GALNT7: variants seen among roughly 807,000 people sequenced by gnomAD.
GALNT7 encodes N-acetylgalactosaminyltransferase 7.
GALNT7 carries 60 observed loss-of-function variants against 82.1 expected under a neutral mutation model. That is an observed-to-expected ratio of 0.73 (90% CI 0.59 to 0.91). The LOEUF (loss-of-function observed/expected upper bound fraction) is 0.91, where lower values mean the gene tolerates loss of function less well. GALNT7 is among the 40% of genes least tolerant of loss of function. The pLI, the probability that GALNT7 is intolerant of heterozygous loss-of-function variation, is 0.00. For missense variants in GALNT7, 660 were observed against 804.2 expected (o/e 0.82, Z 2.17); for synonymous variants, 243 against 275.1 (o/e 0.88, Z 1.15).
At chr4:173,188,031 G>A (rs1732510338) in intron 1 of GALNT7, among the ~76,000 whole-genome samples, 1 of 152,132 alleles carries the variant, frequency 6.6e-6, no homozygotes, top group East Asian at 1.9e-4. Context: ...CAGACATTAT[G>A]CATTTATTTA....
chr4:173,237,281 CT>C (rs1449208830), intron 1 of GALNT7, among the ~76,000 whole-genome samples: 1 of 152,230 alleles, frequency 6.6e-6, no homozygotes, highest in African/African-American at 2.4e-5. Flanking sequence ...CATTGCAATA[CT>C]TTTTTTATGA....
chr4:173,305,234 C>A (rs960100411), intron 8 of GALNT7, among the ~76,000 whole-genome samples: 8 of 152,112 alleles, frequency 5.3e-5, no homozygotes, highest in African/African-American at 1.9e-4. Flanking sequence ...AGTTGTATGT[C>A]TTCTTTTGAG....
chr4:173,174,484 G>T (rs1731973261), intron 1 of GALNT7, among the ~76,000 whole-genome samples: 1 of 152,190 alleles, frequency 6.6e-6, no homozygotes, highest in Non-Finnish European at 1.5e-5. Flanking sequence ...TCCCACATAG[G>T]TCTGAACATT....
chr4:173,214,152 T>C (rs1328698531), intron 1 of GALNT7, among the ~76,000 whole-genome samples: 6 of 152,188 alleles, frequency 3.9e-5, no homozygotes, highest in Non-Finnish European at 7.4e-5. Context: ...TATTATTATT[T>C]TTTTGCAAGA....
chr4:173,200,731 A>T (rs1394213083), intron 1 of GALNT7, among the ~76,000 whole-genome samples: 1 of 152,222 alleles, frequency 6.6e-6, no homozygotes, highest in Non-Finnish European at 1.5e-5. Context: ...ATTTTGCAGG[A>T]TACAGCCATT....
intron 8 of GALNT7, among the ~76,000 whole-genome samples, chr4:173,305,286 T>TC (rs1737112424): frequency 6.6e-6 from 1 of 152,208 alleles, no homozygotes; most frequent in Non-Finnish European, 1.5e-5. Context: ...ATCAGGTTGT[T>TC]TCCTTACTAT....
At chr4:173,196,418 C>T (rs913503719) in intron 1 of GALNT7, among the ~76,000 whole-genome samples, 21 of 152,136 alleles carry the variant, frequency 1.4e-4, no homozygotes, top group African/African-American at 4.6e-4. Context: ...AGCCACCAAG[C>T]CCGGCCCAGA....
chr4:173,210,323 G>A (rs571608818), intron 1 of GALNT7, among the ~76,000 whole-genome samples: 4 of 152,244 alleles, frequency 2.6e-5, no homozygotes, highest in South Asian at 2.1e-4. Context: ...AATTTCATCC[G>A]TCGGAAATTT....
In GALNT7 at chr4:173,321,730, A is replaced by G; in HGVS notation, c.*13A>G. The G allele has an allele frequency of 6.3e-7, 1 of 1,590,246 alleles. No homozygotes were observed. The highest frequency in any genetic ancestry group is 8.6e-7 in the Non-Finnish European group (1 of 1,159,738). On this transcript the variant is annotated 3_prime_UTR_variant, in exon 12 of 12. Coordinates refer to ENST00000265000, the MANE Select transcript of GALNT7 (RefSeq NM_017423.3). ...CCATAGTGTTTAGAGAGAAAAAAATAAACCAATAACCTACCTACTGACAAG... is the reference window on the plus strand; with the variant it reads ...CCATAGTGTTTAGAGAGAAAAAAATGAACCAATAACCTACCTACTGACAAG...
intron 9 of GALNT7, among the ~76,000 whole-genome samples, chr4:173,315,239 G>A (rs559484896): frequency 1.3e-5 from 2 of 152,298 alleles, no homozygotes; most frequent in African/African-American, 4.8e-5. Flanking sequence ...TGTGTGAAGG[G>A]ATAAGGGCCA....
Position 173,289,528 on chromosome 4 carries a change from C to T in GALNT7, c.588-2580C>T, listed in dbSNP as rs534390355. On this transcript the variant is annotated intron_variant, in intron 2 of 11. Transcript: ENST00000265000. ...CTTCTCATCTCTGTAGCAGTTTGAG[C>T]AACTTCTCTTATCAGTAAAGCTGTC... 2.6e-5 allele frequency among the ~76,000 whole-genome samples: 4 copies of T among 152,346 alleles called. No homozygotes were observed. The South Asian group carries it at 8.3e-4, about 32-fold the overall frequency.
intron 8 of GALNT7, among the ~76,000 whole-genome samples, chr4:173,308,780 G>A (rs1483376751): frequency 6.6e-6 from 1 of 152,160 alleles, no homozygotes; most frequent in Admixed American, 6.5e-5. Context: ...GTGGGCACCT[G>A]CAATCCCAGC....
intron 1 of GALNT7, among the ~76,000 whole-genome samples, chr4:173,210,168 A>AAAAT (rs1295501282): frequency 2.6e-5 from 4 of 152,084 alleles, no homozygotes; most frequent in African/African-American, 9.7e-5. Flanking sequence ...ATACTTATTT[A>AAAAT]ATTATGCTTA....
chr4:173,318,452 A>G lies in GALNT7; in HGVS notation c.1729A>G (p.Asn577Asp). 1 of 1,604,584 alleles carries G rather than the reference A, an allele frequency of 6.2e-7. No homozygotes were observed. Among genetic ancestry groups the G allele is most frequent in the South Asian group, 1.1e-5 (1 of 89,350 alleles). ...ACAGCTTTTCAGAATCAATGAAGCAAATCAACTCATGCAGTATGACCAGTG... is the reference window on the plus strand; with the variant it reads ...ACAGCTTTTCAGAATCAATGAAGCAGATCAACTCATGCAGTATGACCAGTG... ...GNQLFRINEA[N>D]QLMQYDQCLT... Residue 577 changes from asparagine (N) to aspartate (D), a missense_variant, in exon 11 of 12, where the codon AAT becomes GAT. This residue lies in a region of GALNT7 where 527 missense variants were observed against 683.5 expected (regional missense o/e 0.77). Coordinates refer to ENST00000265000, the MANE Select transcript of GALNT7 (RefSeq NM_017423.3).
intron 2 of GALNT7, among the ~76,000 whole-genome samples, chr4:173,251,650 C>T (rs924063994): frequency 2.6e-4 from 40 of 152,202 alleles, no homozygotes; most frequent in African/African-American, 9.7e-4. Flanking sequence ...CAGTTTCCTT[C>T]CTGTCTCCTT....
intron 1 of GALNT7, among the ~76,000 whole-genome samples, chr4:173,215,734 A>G (rs1291540665): frequency 6.6e-6 from 1 of 152,198 alleles, no homozygotes; most frequent in African/African-American, 2.4e-5. Context: ...TCTTTTTGTC[A>G]ATTATTTTGA....
At chr4:173,176,282 G>T (rs1732040118) in intron 1 of GALNT7, among the ~76,000 whole-genome samples, 1 of 152,134 alleles carries the variant, frequency 6.6e-6, no homozygotes, top group Non-Finnish European at 1.5e-5. Context: ...AGCCAGTATG[G>T]CCGGAGTTTG....
At chr4:173,273,922 A>G (rs1735814169) in intron 2 of GALNT7, among the ~76,000 whole-genome samples, 1 of 152,218 alleles carries the variant, frequency 6.6e-6, no homozygotes, top group Non-Finnish European at 1.5e-5. Context: ...TTATCTATAC[A>G]TCCATGCATG....
intron 2 of GALNT7, among the ~76,000 whole-genome samples, chr4:173,254,508 G>C (rs1414076861): frequency 6.6e-6 from 1 of 152,098 alleles, no homozygotes; most frequent in South Asian, 2.1e-4. Flanking sequence ...TTGATCCATA[G>C]ATTTCAGCTA....
Sources: gnomAD v4.1 joint callset for allele counts (sites outside exome capture counted in the v4.1 genomes callset) on GRCh38, gnomAD v4.1.1 for gene constraint, gnomAD v4.1.1 regional missense constraint, MANE v1.5 for transcripts, NCBI Gene and HGNC (gene_info 2026-07-23, HGNC 2026-07-21) for gene names.